VAV1: variants seen among roughly 807,000 people sequenced by gnomAD.
VAV1 encodes the protein vav guanine nucleotide exchange factor 1.
A neutral mutation model predicts 128.1 loss-of-function variants in VAV1; 33 were observed. The ratio of observed to expected loss-of-function variants is 0.26; its 90% CI spans 0.20 to 0.34. The LOEUF (loss-of-function observed/expected upper bound fraction) is 0.34. Ranked by LOEUF, VAV1 falls within the 10% of genes least tolerant of loss-of-function variation. The probability of loss-of-function intolerance (pLI) is 1.00; values close to 1 mark genes in which losing one functional copy is unlikely to be tolerated. For synonymous variants in VAV1, 394 were observed against 409.8 expected (o/e 0.96, Z 0.47); for missense variants, 715 against 1,093.7 (o/e 0.65, Z 4.88).
chr19:6,800,944 C>T (rs745636807), intron 1 of VAV1, among the ~76,000 whole-genome samples: 4 of 152,178 alleles, frequency 2.6e-5, no homozygotes, highest in Non-Finnish European at 5.9e-5. Flanking sequence ...ATCTCTTTGT[C>T]GCCTGCATGG....
rs1970679594 is a variant in VAV1 at position 6,777,907 on chromosome 19, TC to T, written c.204+4897del. ...CCTCCACCTCCCAGGTTCAAGCAAT[TC>T]TCCTGCAGCAGCCTCCTGAGTATCT... On this transcript the variant is annotated intron_variant, in intron 1 of 26. Coordinates refer to ENST00000602142, the MANE Select transcript of VAV1 (RefSeq NM_005428.4). The surrounding 1 kb of genome is among the most constrained non-coding windows in gnomAD (Gnocchi z 4.4). Among the ~76,000 whole-genome samples the T allele has an allele frequency of 6.6e-6, 1 of 152,062 alleles. No homozygotes were observed. Among genetic ancestry groups the T allele is most frequent in the African/African-American group, 2.4e-5 (1 of 41,392 alleles).
intron 1 of VAV1, among the ~76,000 whole-genome samples, chr19:6,792,733 T>G (rs1971043538): frequency 2.1e-5 from 3 of 144,550 alleles, no homozygotes; most frequent in Admixed American, 7.0e-5. Context: ...AACTAAGGGG[T>G]GGTGTGGGGC....
rs761989004 is a variant in VAV1, at chr19:6,833,557, A to C, written c.1640A>C (p.His547Pro). The C allele has an allele frequency of 1.2e-6, 2 of 1,611,584 alleles. No homozygotes were observed. Among genetic ancestry groups the C allele is most frequent in the Admixed American group, 3.3e-5 (2 of 59,814 alleles). ...RGTFYQGYRCHRCRASAHKEC... is the reference protein window; with the variant it reads ...RGTFYQGYRCPRCRASAHKEC... ...ACCTTCTATCAGGGCTACCGCTGCC[A>C]TCGGTGCCGGGCATCTGCACACAAG... Residue 547 changes from histidine (H) to proline (P), a missense_variant, in exon 17 of 27, where the codon CAT (histidine) becomes CCT (proline). Physicochemically the swap from His to Pro is moderately conservative, Grantham distance 77 (BLOSUM62 -2). Coordinates refer to ENST00000602142, the MANE Select transcript of VAV1 (RefSeq NM_005428.4).
chr19:6,852,535 C>T (rs1972692338), intron 24 of VAV1, among the ~76,000 whole-genome samples: 1 of 152,058 alleles, frequency 6.6e-6, no homozygotes, highest in Admixed American at 6.5e-5. Flanking sequence ...TCCTGGCTAA[C>T]ACGGTGAAAC....
rs759590161 is a variant in VAV1, at chr19:6,772,873, C to T, written c.66C>T (p.Arg22=). 9 of 1,614,126 alleles carry T rather than the reference C, an allele frequency of 5.6e-6. No homozygotes were observed. The highest frequency in any genetic ancestry group is 2.7e-5 in the African/African-American group (2 of 75,042). ...IQCRVLPPSH[R]VTWDGAQVCE... is the part of the protein sequence containing the mutation. ...GCCGGGTGCTGCCGCCCAGCCACCG[C>T]GTGACCTGGGATGGGGCTCAGGTGT... Residue 22 remains arginine, a synonymous_variant, in exon 1 of 27, where the codon CGC becomes CGT. Coordinates refer to ENST00000602142, the MANE Select transcript of VAV1 (RefSeq NM_005428.4). This position sits in a 1 kb window ranked among gnomAD's most constrained non-coding sequence, Gnocchi z 4.8.
intron 1 of VAV1, among the ~76,000 whole-genome samples, chr19:6,798,809 C>A (rs1397831087): frequency 7.2e-5 from 11 of 152,116 alleles, no homozygotes; most frequent in Non-Finnish European, 1.3e-4. Flanking sequence ...CTGAACCTGG[C>A]CTGATTTGAT....
At position 6,824,086 on chromosome 19, in the gene VAV1, T is replaced by G. The variant is rs8112212; in HGVS notation, c.655-967T>G. 5.7e-3 allele frequency among the ~76,000 whole-genome samples: 863 copies of G among 152,098 alleles called. 14 individuals are homozygous for G. Among genetic ancestry groups the G allele is most frequent in the African/African-American group, 0.019 (797 of 41,492 alleles). On this transcript the variant is annotated intron_variant, in intron 6 of 26. Transcript: ENST00000602142. ...CTGAGGAGCTGGGGCCACGGGTGCA[T>G]GCCACCACACCCTGCTTAATTCTTT... is the stretch of plus-strand genomic sequence containing the variant.
chr19:6,814,631 C>A (rs1007916805), intron 1 of VAV1, among the ~76,000 whole-genome samples: 1 of 147,050 alleles, frequency 6.8e-6, no homozygotes, highest in Non-Finnish European at 1.5e-5. Flanking sequence ...TCTTTCTTTT[C>A]TTTCTCTCCT....
chr19:6,828,747 C>T lies in VAV1; in HGVS notation c.1179+39C>T, dbSNP rs1427365547. On this transcript the variant is annotated intron_variant, in intron 12 of 26. Coordinates refer to ENST00000602142, the MANE Select transcript of VAV1 (RefSeq NM_005428.4). The surrounding 1 kb of genome is among the most constrained non-coding windows in gnomAD (Gnocchi z 4.5). ...GCCGGGTGGGCCAGGGGTGTGGCCA[C>T]GTGGGGAGAGTGTGTGTCTGGCTCC... 1 of 1,613,726 alleles carries T rather than the reference C, an allele frequency of 6.2e-7. No homozygotes were observed. The highest frequency in any genetic ancestry group is 1.3e-5 in the African/African-American group (1 of 74,906).
In VAV1 at chr19:6,825,004, T is replaced by G. The variant is rs1435523127; in HGVS notation, c.655-49T>G. The G allele has an allele frequency of 1.9e-6, 3 of 1,590,836 alleles. No individual in the cohort carries two copies. In the Middle Eastern group the frequency reaches 5.0e-4, roughly 266 times the overall value. On this transcript the variant is annotated intron_variant, in intron 6 of 26. Transcript: ENST00000602142. ...TTCCCCTGTCTCTCTGAGACTGGTC[T>G]GGAGGAGGGAATCTTATCTTCCGTC... is the stretch of plus-strand genomic sequence containing the variant.
intron 1 of VAV1, among the ~76,000 whole-genome samples, chr19:6,813,180 A>C (rs1295087744): frequency 6.6e-6 from 1 of 152,246 alleles, no homozygotes; most frequent in Non-Finnish European, 1.5e-5. Flanking sequence ...GGTTGCACAC[A>C]GATGTCGGCT....
intron 1 of VAV1, among the ~76,000 whole-genome samples, chr19:6,776,696 C>A (rs1970651878): frequency 6.6e-6 from 1 of 151,786 alleles, no homozygotes; most frequent in African/African-American, 2.4e-5. Context: ...ACCCACCCAC[C>A]CATTCACCTA....
chr19:6,846,895 T>C (rs1277611643), intron 22 of VAV1, among the ~76,000 whole-genome samples: 1 of 148,556 alleles, frequency 6.7e-6, no homozygotes, highest in Non-Finnish European at 1.5e-5. Context: ...ATTCATGTTA[T>C]ATTTATATTC....
chr19:6,816,176 C>T (rs951737491), intron 1 of VAV1, among the ~76,000 whole-genome samples: 4 of 152,006 alleles, frequency 2.6e-5, no homozygotes, highest in Admixed American at 2.6e-4. Flanking sequence ...CACACCACCA[C>T]GCCCAGCTAA....
chr19:6,807,569 G>A (rs1217611580), intron 1 of VAV1, among the ~76,000 whole-genome samples: 2 of 152,050 alleles, frequency 1.3e-5, no homozygotes, highest in Non-Finnish European at 2.9e-5. Context: ...AACAGACCAT[G>A]GACCGGTACC....
chr19:6,832,572 T>TTCC (rs990691850), intron 15 of VAV1, among the ~76,000 whole-genome samples: 8 of 126,714 alleles, frequency 6.3e-5, no homozygotes, highest in Admixed American at 3.4e-4. Context: ...CTTCCTCCCC[T>TTCC]TCCTCCTCCT....
At chr19:6,789,983 A>G (rs997842990) in intron 1 of VAV1, among the ~76,000 whole-genome samples, 1 of 151,908 alleles carries the variant, frequency 6.6e-6, no homozygotes, top group Admixed American at 6.6e-5. Flanking sequence ...AGGCGGGTGG[A>G]TCTCCAACAT....
rs1599673227 is a variant in VAV1, at chr19:6,839,381, T to C, written c.1980+2331T>C. Among the ~76,000 whole-genome samples, 8 of 151,814 alleles carry C rather than the reference T, an allele frequency of 5.3e-5. 1 individual carries two copies. In the South Asian group the frequency reaches 1.5e-3, roughly 28 times the overall value. Reference sequence around the variant, plus strand: ...TAAAACTGACCGTTACAATGAAAAATTCAGAATACTGAGTAGCTGAGATTA... The same window carrying C: ...TAAAACTGACCGTTACAATGAAAAACTCAGAATACTGAGTAGCTGAGATTA... On this transcript the variant is annotated intron_variant, in intron 21 of 26. Transcript: ENST00000602142.
Position 6,777,395 on chromosome 19 carries a change from G to T in VAV1, c.204+4384G>T, listed in dbSNP as rs1374298943. On this transcript the variant is annotated intron_variant, in intron 1 of 26. Coordinates refer to ENST00000602142, the MANE Select transcript of VAV1 (RefSeq NM_005428.4). This position sits in a 1 kb window ranked among gnomAD's most constrained non-coding sequence, Gnocchi z 4.4. The stretch of plus-strand genomic sequence containing the variant: ...AGGAGCCTGCATTCTAGTGGGGGAG[G>T]CTGACAGTGAAGAAATAAGACAATG... 1.3e-5 allele frequency among the ~76,000 whole-genome samples: 2 copies of T among 152,110 alleles called. No homozygotes were observed. Among genetic ancestry groups the T allele is most frequent in the African/African-American group, 4.8e-5 (2 of 41,422 alleles).
Sources: allele counts gnomAD v4.1 joint callset (sites outside exome capture counted in the v4.1 genomes callset), GRCh38; gene constraint gnomAD v4.1.1; non-coding constraint Gnocchi (gnomAD v3.1); transcripts MANE v1.5; gene names NCBI Gene and HGNC (gene_info 2026-07-23, HGNC 2026-07-21).